ALDH1A2: variants seen among roughly 807,000 people sequenced by gnomAD.
The protein encoded by ALDH1A2 is retinal dehydrogenase 2.
A neutral mutation model predicts 60.3 loss-of-function variants in ALDH1A2; 27 were observed. The observed-to-expected ratio is 0.45, with a 90% confidence interval of 0.33 to 0.62. The LOEUF (loss-of-function observed/expected upper bound fraction) is 0.62. Among genes scored for constraint, ALDH1A2 ranks in the 20% least tolerant of loss-of-function variants. The pLI is 0.02. For synonymous variants in ALDH1A2, 289 were observed against 232.4 expected, an observed-to-expected ratio of 1.24 and a Z score of -2.21; for missense variants, 581 against 643.8, an observed-to-expected ratio of 0.90 and a Z score of 1.06.
rs187603727 is a variant in ALDH1A2 at position 58,064,232 on chromosome 15, A to G, written c.117+1302T>C. On this transcript the variant is annotated intron_variant, in intron 1 of 12. Coordinates refer to ENST00000249750, the MANE Select transcript of ALDH1A2 (RefSeq NM_003888.4). ...CAGACAAGTGCCACACATTGGCACT[A>G]TTGTTATGCAAACAATGCCTAAAAG... 5.3e-5 allele frequency among the ~76,000 whole-genome samples: 8 copies of G among 152,296 alleles called. No individual in the cohort carries two copies. The East Asian group carries it at 1.5e-3, about 29-fold the overall frequency.
intron 12 of ALDH1A2, among the ~76,000 whole-genome samples, chr15:57,959,207 C>T (rs1374150218): frequency 6.6e-6 from 1 of 152,182 alleles, no homozygotes; most frequent in Non-Finnish European, 1.5e-5. Flanking sequence ...ACAATCAATG[C>T]AAGCAGCATT....
intron 4 of ALDH1A2, among the ~76,000 whole-genome samples, chr15:57,999,763 T>A (rs372144647): frequency 6.6e-6 from 1 of 151,900 alleles, no homozygotes; most frequent in African/African-American, 2.4e-5. Context: ...TACATGCATG[T>A]GTATGTTCAT....
At chr15:58,051,236 G>A (rs1212152043) in intron 1 of ALDH1A2, among the ~76,000 whole-genome samples, 1 of 152,042 alleles carries the variant, frequency 6.6e-6, no homozygotes, top group Non-Finnish European at 1.5e-5. Flanking sequence ...ATTCCTAAAG[G>A]ACCCTGACTT....
chr15:58,004,828 G>T (rs1213001872), intron 4 of ALDH1A2, among the ~76,000 whole-genome samples: 2 of 149,384 alleles, frequency 1.3e-5, no homozygotes, highest in African/African-American at 2.5e-5. Flanking sequence ...ATTTAATTAA[G>T]GAGGTGAAAG....
At chr15:57,955,947 C>T (rs1048737815) in intron 12 of ALDH1A2, among the ~76,000 whole-genome samples, 2 of 152,098 alleles carry the variant, frequency 1.3e-5, no homozygotes, top group African/African-American at 2.4e-5. Flanking sequence ...TTCTTCTCTT[C>T]TTCTGAAAGT....
At chr15:57,988,012 T>C (rs1894767963) in intron 7 of ALDH1A2, among the ~76,000 whole-genome samples, 1 of 152,050 alleles carries the variant, frequency 6.6e-6, no homozygotes, top group African/African-American at 2.4e-5. Flanking sequence ...AGGAAAATTA[T>C]GCCAGAAGGA....
intron 1 of ALDH1A2, among the ~76,000 whole-genome samples, chr15:58,042,177 C>T (rs762406657): frequency 6.6e-6 from 1 of 151,888 alleles, no homozygotes; most frequent in Non-Finnish European, 1.5e-5. Context: ...ATACTGTTTC[C>T]TGCCTTCTTT....
At chr15:58,011,183 G>A (rs1427774438) in intron 3 of ALDH1A2, among the ~76,000 whole-genome samples, 1 of 152,130 alleles carries the variant, frequency 6.6e-6, no homozygotes, top group African/African-American at 2.4e-5. Context: ...TTATGCAACT[G>A]ATGAGAATAG....
At chr15:57,958,003 AC>A (rs1893588633) in intron 12 of ALDH1A2, among the ~76,000 whole-genome samples, 1 of 150,278 alleles carries the variant, frequency 6.7e-6, no homozygotes, top group Non-Finnish European at 1.5e-5. Flanking sequence ...GCAATGTAAA[AC>A]CCTGCTGGAA....
intron 1 of ALDH1A2, among the ~76,000 whole-genome samples, chr15:58,032,789 AAC>A (rs59226967): frequency 1.9e-3 from 290 of 149,010 alleles, no homozygotes; most frequent in African/African-American, 4.1e-3. Context: ...AGTGCCCCTC[AAC>A]ACACACACAC....
At chr15:57,996,076 A>G (rs1315536078) in intron 4 of ALDH1A2, among the ~76,000 whole-genome samples, 2 of 152,040 alleles carry the variant, frequency 1.3e-5, no homozygotes, top group Admixed American at 6.6e-5. Flanking sequence ...GCAGTCCCCT[A>G]AGGCAAGTGA....
At chr15:58,000,111 A>C (rs1290268121) in intron 4 of ALDH1A2, among the ~76,000 whole-genome samples, 1 of 151,920 alleles carries the variant, frequency 6.6e-6, no homozygotes, top group Non-Finnish European at 1.5e-5. Context: ...TGCTGGGCTT[A>C]ATACCTAGGT....
In ALDH1A2 at chr15:58,013,970, G is replaced by GCTGC; in HGVS notation, c.247_250dup (p.Ala84GlyfsTer26). 3 of 1,614,118 alleles carry GCTGC rather than the reference G, an allele frequency of 1.9e-6. No homozygotes were observed. Among genetic ancestry groups the GCTGC allele is most frequent in the Non-Finnish European group, 2.5e-6 (3 of 1,180,008 alleles). On this transcript the variant is annotated frameshift_variant, in exon 3 of 13. Transcript: ENST00000249750. LOFTEE classifies it high-confidence loss of function. ...TGAACCAAGAGAGAAAGCCAGGCGG[G>GCTGC]CTGCCTGCACTGCTTTGTCTATATC...
chr15:57,990,875 CAA>C (rs34227301), intron 7 of ALDH1A2, among the ~76,000 whole-genome samples: 6 of 111,836 alleles, frequency 5.4e-5, no homozygotes, highest in African/African-American at 1.1e-4. Context: ...AACTCCATCT[CAA>C]AAAAAAAAAA....
At chr15:57,994,127 G>T (rs1320798831) in intron 5 of ALDH1A2, among the ~76,000 whole-genome samples, 1 of 152,212 alleles carries the variant, frequency 6.6e-6, no homozygotes, top group East Asian at 1.9e-4. Context: ...GGCAAGAAAA[G>T]TAAGTTTGAA....
At chr15:57,982,055 C>T (rs1172480140) in intron 7 of ALDH1A2, among the ~76,000 whole-genome samples, 3 of 152,164 alleles carry the variant, frequency 2.0e-5, no homozygotes, top group African/African-American at 4.8e-5. Context: ...TTTATAATGG[C>T]ATTAATCTAT....
intron 1 of ALDH1A2, among the ~76,000 whole-genome samples, chr15:58,032,412 T>G (rs11629553): frequency 0.5 from 76,040 of 151,832 alleles, 19,594 homozygotes; most frequent in Non-Finnish European, 0.57. Flanking sequence ...GTTAAATGAG[T>G]AGTTAATGGG....
chr15:58,059,276 G>C (rs1274098633), intron 1 of ALDH1A2, among the ~76,000 whole-genome samples: 1 of 152,156 alleles, frequency 6.6e-6, no homozygotes, highest in Non-Finnish European at 1.5e-5. Flanking sequence ...TGTTTGGGGG[G>C]AAATGAATGG....
At chr15:57,963,781 A>G in intron 9 of ALDH1A2, 104 bp downstream of exon 9, 1 of 1,224,392 alleles carries the variant, frequency 8.2e-7, no homozygotes. Flanking sequence ...TAAAGGAGTC[A>G]GCCGAAAAGG....
Sources: allele counts gnomAD v4.1 joint callset (sites outside exome capture counted in the v4.1 genomes callset), GRCh38; gene constraint gnomAD v4.1.1; transcripts MANE v1.5; gene names NCBI Gene and HGNC (gene_info 2026-07-23, HGNC 2026-07-21).